The following BAZ1A variants were observed in gnomAD, a reference collection of about 807,000 sequenced individuals.
BAZ1A encodes bromodomain adjacent to zinc finger domain 1A.
In BAZ1A, 50 loss-of-function variants were observed where a neutral mutation model predicts 185.2. The ratio of observed to expected loss-of-function variants is 0.27; its 90% CI spans 0.22 to 0.34. BAZ1A has a LOEUF of 0.34. Ranked by LOEUF, BAZ1A falls within the 10% of genes least tolerant of loss-of-function variation. The pLI is 1.00. For missense variants in BAZ1A, 1,356 were observed against 1,839.9 expected, an observed-to-expected ratio of 0.74 and a Z score of 4.81; for synonymous variants, 571 against 615.6, an observed-to-expected ratio of 0.93 and a Z score of 1.07.
intron 2 of BAZ1A, among the ~76,000 whole-genome samples, chr14:34,869,616 C>G (rs1339347043): frequency 6.6e-6 from 1 of 152,124 alleles, no homozygotes. Flanking sequence ...TGATGGATAA[C>G]ATATATTAGA....
chr14:34,843,912 T>C (rs1028521048), intron 3 of BAZ1A, among the ~76,000 whole-genome samples: 1 of 152,064 alleles, frequency 6.6e-6, no homozygotes, highest in African/African-American at 2.4e-5. Context: ...AAGCTAAGAA[T>C]GGTTTAAACA....
At chr14:34,837,533 C>A (rs567217320) in intron 3 of BAZ1A, among the ~76,000 whole-genome samples, 1 of 152,090 alleles carries the variant, frequency 6.6e-6, no homozygotes, top group South Asian at 2.1e-4. Flanking sequence ...GCCACTGAGC[C>A]CAGCCACAAA....
intron 3 of BAZ1A, among the ~76,000 whole-genome samples, chr14:34,847,992 T>C (rs1263092825): frequency 1.3e-5 from 2 of 152,088 alleles, no homozygotes; most frequent in Non-Finnish European, 2.9e-5. Context: ...CCCAAGTACC[T>C]GGCACTACAG....
intron 4 of BAZ1A, among the ~76,000 whole-genome samples, chr14:34,820,855 A>G (rs923618441): frequency 2.6e-5 from 4 of 152,084 alleles, no homozygotes; most frequent in African/African-American, 9.7e-5. Flanking sequence ...TGCTTTGTCA[A>G]AGGTCAGTTG....
chr14:34,753,759 A>G, intron 26 of BAZ1A, 55 bp from the exon 27 acceptor site: 4 of 1,313,068 alleles, frequency 3.0e-6, no homozygotes, highest in Non-Finnish European at 4.0e-6. Context: ...ATTATAATAA[A>G]TATAATTCTT....
intron 3 of BAZ1A, among the ~76,000 whole-genome samples, chr14:34,846,007 T>C (rs1365652458): frequency 6.6e-6 from 1 of 152,134 alleles, no homozygotes; most frequent in Non-Finnish European, 1.5e-5. Context: ...GTAGTAACCA[T>C]GTAGATATGA....
intron 3 of BAZ1A, among the ~76,000 whole-genome samples, chr14:34,848,647 A>G (rs1163205212): frequency 6.6e-6 from 1 of 152,202 alleles, no homozygotes; most frequent in Non-Finnish European, 1.5e-5. Context: ...TCTAAAAACA[A>G]TACTGAACCA....
intron 6 of BAZ1A, among the ~76,000 whole-genome samples, chr14:34,805,648 T>C (rs1008536600): frequency 6.6e-6 from 1 of 152,230 alleles, no homozygotes; most frequent in Non-Finnish European, 1.5e-5. Context: ...CAGAGCATAA[T>C]TGAATCTTAT....
At chr14:34,862,404 A>G (rs1351934639) in intron 2 of BAZ1A, 82 bp from the exon 3 acceptor site, 1 of 1,483,282 alleles carries the variant, frequency 6.7e-7, no homozygotes, top group Admixed American at 2.5e-5. Context: ...TAGCATTATC[A>G]GGTTATTTTT....
intron 9 of BAZ1A, among the ~76,000 whole-genome samples, chr14:34,796,081 C>A (rs950884197): frequency 1.3e-5 from 2 of 152,064 alleles, no homozygotes; most frequent in Non-Finnish European, 2.9e-5. Context: ...AGGTGGATTA[C>A]TTGACGTCAG....
chr14:34,840,469 TA>T (rs1282971293), intron 3 of BAZ1A, among the ~76,000 whole-genome samples: 1 of 152,006 alleles, frequency 6.6e-6, no homozygotes, highest in African/African-American at 2.4e-5. Flanking sequence ...CCTAAGATGA[TA>T]AAATTAGGCT....
Position 34,798,207 on chromosome 14 carries a change from C to T in BAZ1A, c.1128+2017G>A, listed in dbSNP as rs561606050. 1.6e-4 allele frequency among the ~76,000 whole-genome samples: 24 copies of T among 152,368 alleles called. No individual in the cohort carries two copies. The East Asian group carries it at 2.3e-3, about 15-fold the overall frequency. Reference sequence around the variant, plus strand: ...AGCTGCTGGGAAAGCTCAAACTGGGCGGAGCCCACCGCAGCTCTGAAAGGC... The same window carrying T: ...AGCTGCTGGGAAAGCTCAAACTGGGTGGAGCCCACCGCAGCTCTGAAAGGC... On this transcript the variant is annotated intron_variant, in intron 9 of 26. Coordinates refer to ENST00000360310, the MANE Select transcript of BAZ1A (RefSeq NM_013448.3).
intron 21 of BAZ1A, among the ~76,000 whole-genome samples, chr14:34,770,510 A>G (rs772653594): frequency 6.6e-6 from 1 of 152,248 alleles, no homozygotes; most frequent in Non-Finnish European, 1.5e-5. Context: ...AGGAGACCAA[A>G]AAGATATGGT....
chr14:34,785,880 T>A lies in BAZ1A; in HGVS notation c.1728A>T (p.Arg576=), dbSNP rs767438317. 1.1e-5 allele frequency: 17 copies of A among 1,614,118 alleles called. No homozygotes were observed. Among genetic ancestry groups the A allele is most frequent in the Non-Finnish European group, 1.4e-5 (17 of 1,180,028 alleles). ...SANAKYRYQK[R]GGFDATDDAC... ...CATCATCTGTAGCATCAAATCCTCCTCGTTTTTGATATCTATACTTTGCAT... is the reference window on the plus strand; with the variant it reads ...CATCATCTGTAGCATCAAATCCTCCACGTTTTTGATATCTATACTTTGCAT... Residue 576 remains arginine, a synonymous_variant, in exon 14 of 27, where the codon CGA becomes CGT. Transcript: ENST00000360310.
intron 3 of BAZ1A, among the ~76,000 whole-genome samples, chr14:34,843,014 A>G (rs749539791): frequency 4.6e-5 from 7 of 152,116 alleles, no homozygotes; most frequent in Non-Finnish European, 8.8e-5. Flanking sequence ...GTTCCTGCAC[A>G]TGGTCAGCTC....
intron 9 of BAZ1A, among the ~76,000 whole-genome samples, chr14:34,798,441 C>T (rs1881325325): frequency 6.6e-6 from 1 of 152,210 alleles, no homozygotes; most frequent in African/African-American, 2.4e-5. Flanking sequence ...ACTGACACAT[C>T]ATATGGGTAG....
At chr14:34,787,414 G>A (rs1880549424) in intron 12 of BAZ1A, among the ~76,000 whole-genome samples, 1 of 151,640 alleles carries the variant, frequency 6.6e-6, no homozygotes, top group Admixed American at 6.6e-5. Flanking sequence ...GCCGGGCGCG[G>A]TGGCTCATGC....
rs775229346 is a variant in BAZ1A, at chr14:34,764,920, C to T, written c.3563G>A (p.Gly1188Glu). 3 of 1,614,120 alleles carry T rather than the reference C, an allele frequency of 1.9e-6. No homozygotes were observed. Among genetic ancestry groups the T allele is most frequent in the Admixed American group, 1.7e-5 (1 of 60,008 alleles). The stretch of plus-strand genomic sequence containing the variant: ...TCGACATTCTGGACAAAACCAGTCT[C>T]CTTCAGGCACAGTCTGAAAAAATCA... ...VRPKLKTVPE[G>E]DWFCPECRPK... is the part of the protein sequence containing the mutation. Residue 1188 changes from glycine (G) to glutamate (E), a missense_variant, in exon 23 of 27, where the codon GGA becomes GAA. Transcript: ENST00000360310.
intron 3 of BAZ1A, among the ~76,000 whole-genome samples, chr14:34,854,686 A>G (rs145993039): frequency 1.5e-4 from 23 of 152,312 alleles, no homozygotes; most frequent in African/African-American, 2.4e-4. Flanking sequence ...TTTGTCCAAC[A>G]AAGTCTAACT....
Sources: gnomAD v4.1 joint callset for allele counts (sites outside exome capture counted in the v4.1 genomes callset) on GRCh38, gnomAD v4.1.1 for gene constraint, MANE v1.5 for transcripts, NCBI Gene and HGNC (gene_info 2026-07-23, HGNC 2026-07-21) for gene names.